SHOC2: variants seen among roughly 807,000 people sequenced by gnomAD.
SHOC2 encodes the protein leucine-rich repeat protein SHOC-2.
Under a neutral mutation model 50.2 loss-of-function variants are expected in SHOC2, and 4 were observed. The observed-to-expected ratio is 0.08, with a 90% CI of 0.04 to 0.18. The LOEUF (loss-of-function observed/expected upper bound fraction) is 0.18, where lower values mean the gene tolerates loss of function less well. Among genes scored for constraint, SHOC2 ranks in the 10% least tolerant of loss-of-function variants. The probability of loss-of-function intolerance (pLI) is 1.00; values close to 1 mark genes in which losing one functional copy is unlikely to be tolerated. For synonymous variants in SHOC2, 218 were observed against 244.5 expected (o/e 0.89, Z 1.01); for missense variants, 388 against 669.6 (o/e 0.58, Z 4.64).
intron 2 of SHOC2, among the ~76,000 whole-genome samples, chr10:110,973,728 A>G (rs1847825519): frequency 1.3e-5 from 2 of 151,954 alleles, no homozygotes; most frequent in Non-Finnish European, 2.9e-5. Context: ...TATTTAATAG[A>G]CACATAGTTA....
At chr10:110,940,910 G>GTTTTTTTTT (rs539552844) in intron 1 of SHOC2, among the ~76,000 whole-genome samples, 87 of 119,434 alleles carry the variant, frequency 7.3e-4, no homozygotes, top group East Asian at 1.2e-3. Flanking sequence ...TTTGTGGTGG[G>GTTTTTTTTT]TTTTTTTTTT....
chr10:111,008,734 C>T (rs1848514720), intron 6 of SHOC2, among the ~76,000 whole-genome samples: 2 of 152,064 alleles, frequency 1.3e-5, no homozygotes. Flanking sequence ...CTCTTTCTCC[C>T]AACCCAGTAT....
intron 1 of SHOC2, among the ~76,000 whole-genome samples, chr10:110,920,972 A>C (rs544345843): frequency 3.3e-5 from 5 of 152,332 alleles, no homozygotes; most frequent in African/African-American, 9.6e-5. Flanking sequence ...TCAGAATCCT[A>C]AGGTACATTT....
chr10:111,011,045 A>G (rs1303292384), intron 8 of SHOC2, among the ~76,000 whole-genome samples: 1 of 152,224 alleles, frequency 6.6e-6, no homozygotes, highest in Non-Finnish European at 1.5e-5. Flanking sequence ...AGAGAATACA[A>G]GTATCCTAAG....
chr10:110,920,454 C>A (rs889480376), intron 1 of SHOC2, among the ~76,000 whole-genome samples: 1 of 152,172 alleles, frequency 6.6e-6, no homozygotes, highest in African/African-American at 2.4e-5. Context: ...TTTGTACCAT[C>A]CCCCTCCCCC....
At chr10:110,945,486 C>T (rs1396145231) in intron 1 of SHOC2, among the ~76,000 whole-genome samples, 3 of 152,186 alleles carry the variant, frequency 2.0e-5, no homozygotes, top group Non-Finnish European at 4.4e-5. Context: ...AAAATAAATG[C>T]AACTTGGATG....
chr10:110,999,227 A>C (rs534788024), intron 3 of SHOC2, among the ~76,000 whole-genome samples: 1 of 152,330 alleles, frequency 6.6e-6, no homozygotes, highest in East Asian at 1.9e-4. Context: ...AACAGTTGTG[A>C]TTTGAAGTCA....
chr10:111,000,271 G>T, intron 3 of SHOC2, 144 bp from the exon 4 acceptor site: 2 of 708,846 alleles, frequency 2.8e-6, no homozygotes, highest in Non-Finnish European at 2.4e-6. Context: ...ATAGTGTAGT[G>T]TGAGTTCCTT....
At chr10:110,994,757 T>A (rs1445226796) in intron 3 of SHOC2, among the ~76,000 whole-genome samples, 1 of 152,218 alleles carries the variant, frequency 6.6e-6, no homozygotes, top group African/African-American at 2.4e-5. Flanking sequence ...TATCAGACTA[T>A]AAACCATGGT....
chr10:111,007,203 G>A (rs1848485441), intron 5 of SHOC2, among the ~76,000 whole-genome samples: 1 of 151,968 alleles, frequency 6.6e-6, no homozygotes, highest in Admixed American at 6.5e-5. Context: ...AGTGATTTCT[G>A]CATATTGTGA....
intron 2 of SHOC2, among the ~76,000 whole-genome samples, chr10:110,981,037 AG>A (rs1847966930): frequency 2.0e-5 from 3 of 152,172 alleles, no homozygotes; most frequent in Non-Finnish European, 4.4e-5. Flanking sequence ...AATCTCTAGT[AG>A]GTGCACAGTA....
intron 1 of SHOC2, among the ~76,000 whole-genome samples, chr10:110,937,397 T>C (rs1397578007): frequency 6.6e-6 from 1 of 152,198 alleles, no homozygotes; most frequent in Non-Finnish European, 1.5e-5. Flanking sequence ...ACTGAACTAA[T>C]AGTTTTAAGA....
At chr10:111,005,113 CCT>C (rs1848444570) in intron 5 of SHOC2, among the ~76,000 whole-genome samples, 1 of 152,032 alleles carries the variant, frequency 6.6e-6, no homozygotes, top group African/African-American at 2.4e-5. Context: ...TATAGTGAGA[CCT>C]TGTCTCGCAA....
At chr10:110,979,152 A>G (rs1354612769) in intron 2 of SHOC2, among the ~76,000 whole-genome samples, 1 of 152,132 alleles carries the variant, frequency 6.6e-6, no homozygotes, top group Non-Finnish European at 1.5e-5. Context: ...ACACATCCCA[A>G]CTCATGTAGT....
chr10:111,006,344 A>G (rs575464564), intron 5 of SHOC2, among the ~76,000 whole-genome samples: 2 of 152,310 alleles, frequency 1.3e-5, no homozygotes, highest in South Asian at 4.1e-4. Flanking sequence ...AAATGAGACA[A>G]TCCATGTGCA....
intron 2 of SHOC2, among the ~76,000 whole-genome samples, chr10:110,983,331 C>A (rs1232280638): frequency 2.6e-5 from 4 of 151,742 alleles, no homozygotes; most frequent in Non-Finnish European, 5.9e-5. Context: ...GATTTATACT[C>A]TTATTTTTAT....
chr10:110,929,620 G>T (rs1319288172), intron 1 of SHOC2, among the ~76,000 whole-genome samples: 3 of 152,228 alleles, frequency 2.0e-5, no homozygotes, highest in African/African-American at 4.8e-5. Context: ...CGAATGAAGA[G>T]TCTCTTACAG....
intron 3 of SHOC2, among the ~76,000 whole-genome samples, chr10:110,990,572 A>G (rs1384774804): frequency 3.3e-5 from 5 of 152,092 alleles, no homozygotes; most frequent in Admixed American, 1.3e-4. Context: ...TAAACGCACC[A>G]ATCAGCGCCC....
intron 8 of SHOC2, 83 bp downstream of exon 8, chr10:111,009,913 T>C: frequency 1.2e-6 from 1 of 834,404 alleles, no homozygotes; most frequent in Non-Finnish European, 2.1e-6. Context: ...ATATGACAAA[T>C]CTATTGTTTT....
Sources: allele counts gnomAD v4.1 joint callset (sites outside exome capture counted in the v4.1 genomes callset), GRCh38; gene constraint gnomAD v4.1.1; transcripts MANE v1.5; gene names NCBI Gene and HGNC (gene_info 2026-07-23, HGNC 2026-07-21).